Variants in POT1 observed in about 807,000 individuals in gnomAD.
The protein encoded by POT1 is protection of telomeres 1, also known as protection of telomeres protein 1.
POT1 carries 47 observed loss-of-function variants against 78.5 expected under a neutral mutation model. The ratio of observed to expected loss-of-function variants is 0.60; its 90% CI spans 0.47 to 0.76. The LOEUF (loss-of-function observed/expected upper bound fraction) is 0.76, where lower values mean the gene tolerates loss of function less well. POT1 is among the 30% of genes least tolerant of loss of function. The pLI is 0.00. For synonymous variants in POT1, 259 were observed against 260.7 expected (o/e 0.99, Z 0.06); for missense variants, 646 against 749.9 (o/e 0.86, Z 1.62).
At chr7:124,923,534 A>G (rs1326511227) in intron 2 of POT1, among the ~76,000 whole-genome samples, 2 of 151,886 alleles carry the variant, frequency 1.3e-5, no homozygotes, top group South Asian at 2.1e-4. Context: ...CCAGGACTAC[A>G]TAAAGCAAAC....
At chr7:124,825,227 G>A in intron 18 of POT1, 25 bp downstream of exon 18, 1 of 1,452,564 alleles carries the variant, frequency 6.9e-7, no homozygotes. Context: ...AAGAAGTGTG[G>A]GATTGTTAAA....
intron 2 of POT1, among the ~76,000 whole-genome samples, chr7:124,927,084 A>C (rs1205470387): frequency 6.6e-6 from 1 of 152,210 alleles, no homozygotes; most frequent in Non-Finnish European, 1.5e-5. Flanking sequence ...TTACAAAATA[A>C]ATTTTAAAAA....
At chr7:124,921,078 C>T (rs558838335) in intron 2 of POT1, among the ~76,000 whole-genome samples, 3 of 152,144 alleles carry the variant, frequency 2.0e-5, no homozygotes, top group East Asian at 1.9e-4. Flanking sequence ...GCCTGGGTGA[C>T]AGAGCAAGAT....
intron 3 of POT1, among the ~76,000 whole-genome samples, chr7:124,909,786 T>C (rs1796849052): frequency 6.6e-6 from 1 of 151,950 alleles, no homozygotes; most frequent in Non-Finnish European, 1.5e-5. Context: ...ACATGTTTTG[T>C]AGATGTACTA....
chr7:124,877,374 G>T (rs1796012889), intron 6 of POT1, among the ~76,000 whole-genome samples: 2 of 152,094 alleles, frequency 1.3e-5, no homozygotes, highest in African/African-American at 4.8e-5. Flanking sequence ...TCTTTCTTAG[G>T]TAATTCTCCA....
At chr7:124,828,668 C>T (rs1186977799) in intron 16 of POT1, among the ~76,000 whole-genome samples, 12 of 151,630 alleles carry the variant, frequency 7.9e-5, no homozygotes, top group African/African-American at 4.8e-5. Context: ...AAGAATAGAA[C>T]GAAGAGACCA....
intron 16 of POT1, among the ~76,000 whole-genome samples, chr7:124,828,071 T>C (rs1794673946): frequency 6.6e-6 from 1 of 151,962 alleles, no homozygotes; most frequent in Non-Finnish European, 1.5e-5. Flanking sequence ...AAACAGTTGA[T>C]AGCCTCCATA....
At chr7:124,915,215 C>A (rs1184868261) in intron 3 of POT1, among the ~76,000 whole-genome samples, 3 of 152,202 alleles carry the variant, frequency 2.0e-5, no homozygotes, top group Non-Finnish European at 4.4e-5. Flanking sequence ...CCACAGGCTT[C>A]AGATGAGATC....
chr7:124,827,890 A>T (rs1025459387), intron 16 of POT1, among the ~76,000 whole-genome samples: 10 of 152,088 alleles, frequency 6.6e-5, no homozygotes, highest in Admixed American at 3.9e-4. Context: ...AAAAATAGCT[A>T]GGCTTGGTAA....
At chr7:124,924,482 T>TA (rs1382989944) in intron 2 of POT1, among the ~76,000 whole-genome samples, 4 of 149,690 alleles carry the variant, frequency 2.7e-5, no homozygotes, top group Admixed American at 2.7e-4. Flanking sequence ...GTATCAGTAA[T>TA]AAAAAAATCC....
intron 15 of POT1, 22 bp from the exon 16 acceptor site, chr7:124,829,364 A>C (rs1203610627): frequency 7.1e-7 from 1 of 1,404,114 alleles, no homozygotes; most frequent in African/African-American, 1.4e-5. Context: ...AAAAGAAAGA[A>C]CCATAAATAT....
intron 9 of POT1, among the ~76,000 whole-genome samples, chr7:124,856,893 T>C (rs1445877530): frequency 6.6e-6 from 1 of 152,196 alleles, no homozygotes; most frequent in Non-Finnish European, 1.5e-5. Context: ...GTCAAAAATA[T>C]ATCTTCAACA....
In POT1 at chr7:124,824,480, G is replaced by A. The variant is rs560547959; in HGVS notation, c.1793-406C>T. Among the ~76,000 whole-genome samples the A allele has an allele frequency of 5.7e-4, 87 of 151,470 alleles. No individual in the cohort carries two copies. In the South Asian group the frequency reaches 0.017, roughly 30 times the overall value. On this transcript the variant is annotated intron_variant, in intron 18 of 18. Transcript: ENST00000357628. ...CAAATTAAAACTGACAACAAATAAA[G>A]GTATTCAAGTTAAACTTGGTTAGAG...
intron 14 of POT1, among the ~76,000 whole-genome samples, chr7:124,835,628 T>C (rs1794881991): frequency 6.6e-6 from 1 of 152,188 alleles, no homozygotes; most frequent in East Asian, 1.9e-4. Flanking sequence ...TGGTAAAATA[T>C]AAAGCTTGTG....
chr7:124,851,680 C>T (rs555623208), intron 11 of POT1, 192 bp downstream of exon 11: 18 of 572,524 alleles, frequency 3.1e-5, no homozygotes, highest in African/African-American at 1.5e-4. Context: ...AATTTGAAAA[C>T]GTAATTATAT....
At position 124,823,212 on chromosome 7, in the gene POT1, A is replaced by C. The variant is rs1794546981; in HGVS notation, c.*750T>G. 6.6e-6 allele frequency: 1 copy of C among 152,068 alleles called. No individual in the cohort carries two copies. The highest frequency in any genetic ancestry group is 1.5e-5 in the Non-Finnish European group (1 of 67,958). The allele number at this position is 152,068 out of a possible 1,614,324, so 9.4% of individuals were successfully genotyped here. A position where few individuals can be genotyped will look rare whatever the true frequency, so the allele number is the denominator to read the frequency against. ...CACACCTATTTCGATTCTTTGCCTCATATCATTTTTCAGCTCAACTTAGGG... is the reference window on the plus strand; with the variant it reads ...CACACCTATTTCGATTCTTTGCCTCCTATCATTTTTCAGCTCAACTTAGGG... On this transcript the variant is annotated 3_prime_UTR_variant, in exon 19 of 19. Transcript: ENST00000357628.
chr7:124,837,230 T>C, intron 14 of POT1: 1 of 288,798 alleles, frequency 3.5e-6, no homozygotes, highest in Non-Finnish European at 6.9e-6. Context: ...TTATGAGAGT[T>C]AAAGATAAAA....
At chr7:124,833,354 T>C (rs1451806819) in intron 15 of POT1, among the ~76,000 whole-genome samples, 1 of 152,200 alleles carries the variant, frequency 6.6e-6, no homozygotes, top group Admixed American at 6.5e-5. Flanking sequence ...ATATAATTTT[T>C]CAATCAGGAT....
rs60869743 is a variant in POT1, at chr7:124,829,699, G to GATCTATATCTATATCTAT, written c.1506-375_1506-358dup. On this transcript the variant is annotated intron_variant, in intron 15 of 18. Transcript: ENST00000357628. The stretch of plus-strand genomic sequence containing the variant: ...ATCTCTAAGAATTCTCTGATTCTAT[G>GATCTATATCTATATCTAT]ATCTATATCTATATCTATATCTATA... Among the ~76,000 whole-genome samples, 421 of 148,532 alleles carry GATCTATATCTATATCTAT rather than the reference G, an allele frequency of 2.8e-3. 1 individual carries two copies. The highest frequency in any genetic ancestry group is 8.5e-3 in the African/African-American group (336 of 39,692).
Sources: allele counts gnomAD v4.1 joint callset (sites outside exome capture counted in the v4.1 genomes callset), GRCh38; gene constraint gnomAD v4.1.1; transcripts MANE v1.5; gene names NCBI Gene and HGNC (gene_info 2026-07-23, HGNC 2026-07-21).